The following IL1RAPL1 variants were observed in gnomAD, a reference collection of about 807,000 sequenced individuals.
The protein encoded by IL1RAPL1 is interleukin 1 receptor accessory protein like 1.
Under a neutral mutation model 48.4 loss-of-function variants are expected in IL1RAPL1, and 3 were observed. That is an observed-to-expected ratio of 0.06 (90% CI 0.03 to 0.16). The LOEUF (loss-of-function observed/expected upper bound fraction) is 0.16, where lower values mean the gene tolerates loss of function less well. Ranked by LOEUF, IL1RAPL1 falls within the 10% of genes least tolerant of loss-of-function variation. The probability of loss-of-function intolerance (pLI) is 1.00; values close to 1 mark genes in which losing one functional copy is unlikely to be tolerated. For synonymous variants in IL1RAPL1, 185 were observed against 187.7 expected, an observed-to-expected ratio of 0.99 and a Z score of 0.12; for missense variants, 349 against 530.6, an observed-to-expected ratio of 0.66 and a Z score of 3.36.
intron 5 of IL1RAPL1, among the ~76,000 whole-genome samples, chrX:29,416,347 G>A (rs747882523): frequency 4.2e-4 from 47 of 111,076 alleles, no homozygotes; most frequent in Non-Finnish European, 7.2e-4. Flanking sequence ...TCAGGAGTTC[G>A]AGACATGGTG....
At chrX:29,935,000 G>A (rs888492772) in intron 8 of IL1RAPL1, among the ~76,000 whole-genome samples, 21 of 110,934 alleles carry the variant, frequency 1.9e-4, no homozygotes, top group Non-Finnish European at 3.4e-4. Flanking sequence ...GCTTTTCTTC[G>A]TCTTTGATAA....
chrX:29,637,070 A>AT (rs59778583), intron 5 of IL1RAPL1, among the ~76,000 whole-genome samples: 5 of 108,084 alleles, frequency 4.6e-5, no homozygotes, highest in African/African-American at 1.7e-4. Flanking sequence ...AAAAAAAAAA[A>AT]TTTAGGAACA....
At chrX:29,174,941 G>A (rs1378470634) in intron 2 of IL1RAPL1, among the ~76,000 whole-genome samples, 1 of 109,831 alleles carries the variant, frequency 9.1e-6, no homozygotes, top group Non-Finnish European at 1.9e-5. Context: ...GGGCGTGGTG[G>A]CGGGCACCTG....
At chrX:28,980,496 T>G (rs1208489530) in intron 2 of IL1RAPL1, among the ~76,000 whole-genome samples, 1 of 112,311 alleles carries the variant, frequency 8.9e-6, no homozygotes, top group Admixed American at 9.5e-5. Flanking sequence ...CAAACATGTA[T>G]AACTTGGAGT....
At chrX:29,313,994 C>G (rs1048291276) in intron 3 of IL1RAPL1, among the ~76,000 whole-genome samples, 2 of 112,150 alleles carry the variant, frequency 1.8e-5, no homozygotes, top group Non-Finnish European at 3.8e-5. Flanking sequence ...GTTTTACTAA[C>G]CAAGACAGTG....
chrX:29,892,098 G>A (rs773610863), intron 6 of IL1RAPL1, among the ~76,000 whole-genome samples: 9 of 111,648 alleles, frequency 8.1e-5, no homozygotes, highest in African/African-American at 1.3e-4. Context: ...TTCCTTTCCC[G>A]CTCAAATGAA....
intron 3 of IL1RAPL1, among the ~76,000 whole-genome samples, chrX:29,311,418 A>G (rs1932722372): frequency 8.9e-6 from 1 of 111,975 alleles, no homozygotes; most frequent in African/African-American, 3.2e-5. Context: ...CAGGAATACT[A>G]GCCTGTCTAT....
chrX:29,386,025 A>T (rs1040620047), intron 3 of IL1RAPL1, among the ~76,000 whole-genome samples: 8 of 111,591 alleles, frequency 7.2e-5, no homozygotes, highest in East Asian at 2.8e-4. Context: ...CTTTTTAAAA[A>T]TTTTTTTTAA....
chrX:29,038,523 C>G (rs1926776355), intron 2 of IL1RAPL1, among the ~76,000 whole-genome samples: 1 of 111,614 alleles, frequency 9.0e-6, no homozygotes, highest in African/African-American at 3.3e-5. Context: ...GACACTGTCC[C>G]CATGACCCAT....
At chrX:28,759,831 T>C (rs755929240) in intron 1 of IL1RAPL1, among the ~76,000 whole-genome samples, 77 of 111,403 alleles carry the variant, frequency 6.9e-4, no homozygotes, top group Non-Finnish European at 9.8e-4. Context: ...CTGCTAAATC[T>C]TGGTGTCACT....
At chrX:29,445,066 T>A (rs1204630398) in intron 5 of IL1RAPL1, among the ~76,000 whole-genome samples, 2 of 112,422 alleles carry the variant, frequency 1.8e-5, no homozygotes, top group African/African-American at 6.5e-5. Flanking sequence ...CTCTTGAAAA[T>A]TGCACAGTTA....
At chrX:29,801,080 A>AAAAAAAAAT (rs1929891087) in intron 6 of IL1RAPL1, among the ~76,000 whole-genome samples, 1 of 87,096 alleles carries the variant, frequency 1.1e-5, no homozygotes, top group Non-Finnish European at 2.1e-5. Context: ...AAAAAAAAAA[A>AAAAAAAAAT]CTCATCTTTT....
intron 1 of IL1RAPL1, among the ~76,000 whole-genome samples, chrX:28,592,322 C>T (rs887587337): frequency 1.8e-5 from 2 of 111,775 alleles, no homozygotes; most frequent in Non-Finnish European, 3.8e-5. Flanking sequence ...CAAATGTACA[C>T]AAACTTGATG....
chrX:28,691,250 C>G (rs1309816701), intron 1 of IL1RAPL1, among the ~76,000 whole-genome samples: 1 of 110,949 alleles, frequency 9.0e-6, no homozygotes, highest in Non-Finnish European at 1.9e-5. Flanking sequence ...GTCAGTCCTT[C>G]CCAACCCCCA....
chrX:28,991,723 A>G (rs1184755376), intron 2 of IL1RAPL1, among the ~76,000 whole-genome samples: 1 of 112,407 alleles, frequency 8.9e-6, no homozygotes, highest in Non-Finnish European at 1.9e-5. Flanking sequence ...GAGAGTTCTG[A>G]GATAGAATTT....
chrX:29,716,972 T>C (rs770407976), intron 6 of IL1RAPL1, among the ~76,000 whole-genome samples: 4 of 111,390 alleles, frequency 3.6e-5, no homozygotes, highest in South Asian at 3.8e-4. Context: ...TTCAATATTT[T>C]CCATTAATTC....
intron 2 of IL1RAPL1, among the ~76,000 whole-genome samples, chrX:29,245,303 A>G (rs1370692843): frequency 9.0e-6 from 1 of 111,346 alleles, no homozygotes; most frequent in Non-Finnish European, 1.9e-5. Flanking sequence ...TAATGGGATT[A>G]CTGGGTCAAA....
intron 5 of IL1RAPL1, among the ~76,000 whole-genome samples, chrX:29,480,014 T>G (rs1044239544): frequency 2.7e-5 from 3 of 109,915 alleles, no homozygotes. Flanking sequence ...AATGACTTTT[T>G]TTTTTCCTTT....
At chrX:28,933,266 G>A (rs1424226083) in intron 2 of IL1RAPL1, among the ~76,000 whole-genome samples, 1 of 111,036 alleles carries the variant, frequency 9.0e-6, no homozygotes, top group Non-Finnish European at 1.9e-5. Flanking sequence ...GACCTTGGAG[G>A]AGCAAGCTTT....
Sources: gnomAD v4.1 joint callset for allele counts (sites outside exome capture counted in the v4.1 genomes callset) on GRCh38, gnomAD v4.1.1 for gene constraint, MANE v1.5 for transcripts, NCBI Gene and HGNC (gene_info 2026-07-23, HGNC 2026-07-21) for gene names.